The following MYT1L variants were observed in gnomAD, a reference collection of about 807,000 sequenced individuals.
The protein encoded by MYT1L is myelin transcription factor 1-like protein.
In MYT1L, 12 loss-of-function variants were observed where a neutral mutation model predicts 126.7. The ratio of observed to expected loss-of-function variants is 0.09; its 90% CI spans 0.06 to 0.15. The LOEUF (loss-of-function observed/expected upper bound fraction) is 0.15. MYT1L is among the 10% of genes least tolerant of loss of function. The pLI is 1.00. For synonymous variants in MYT1L, 541 were observed against 604.2 expected (o/e 0.90, Z 1.53); for missense variants, 979 against 1,585.2 (o/e 0.62, Z 6.49).
At position 1,975,521 on chromosome 2, in the gene MYT1L, G is replaced by C. The variant is rs56130906; in HGVS notation, c.152+3644C>G. Among the ~76,000 whole-genome samples, 1,006 of 152,294 alleles carry C rather than the reference G, an allele frequency of 6.6e-3. 7 individuals are homozygous for C. Among genetic ancestry groups the C allele is most frequent in the Middle Eastern group, 0.017 (5 of 294 alleles). ...AGGTGGGCAGATCACTTGAAGTTAG[G>C]AGTTCGAGACCATCCTGGCCAACAT... is the stretch of plus-strand genomic sequence containing the variant. On this transcript the variant is annotated intron_variant, in intron 8 of 24. Coordinates refer to ENST00000647738, the MANE Select transcript of MYT1L (RefSeq NM_001303052.2).
intron 8 of MYT1L, among the ~76,000 whole-genome samples, chr2:1,952,807 C>T (rs1346635972): frequency 1.3e-5 from 1 of 76,176 alleles, no homozygotes; most frequent in Non-Finnish European, 2.5e-5. Flanking sequence ...TTCTCTCCCT[C>T]CCTCCCTTCC....
At chr2:2,248,254 A>G (rs560474727) in intron 2 of MYT1L, among the ~76,000 whole-genome samples, 10 of 152,212 alleles carry the variant, frequency 6.6e-5, no homozygotes, top group African/African-American at 2.4e-4. Flanking sequence ...ATGAGCAACT[A>G]TATACCAATA....
intron 4 of MYT1L, among the ~76,000 whole-genome samples, chr2:2,001,103 C>G (rs942737307): frequency 1.3e-5 from 2 of 152,174 alleles, no homozygotes; most frequent in Non-Finnish European, 2.9e-5. Flanking sequence ...AACCTGAAAA[C>G]TGTTCATCTC....
chr2:2,252,269 C>G (rs1008240435), intron 2 of MYT1L, among the ~76,000 whole-genome samples: 12 of 152,204 alleles, frequency 7.9e-5, no homozygotes, highest in African/African-American at 2.9e-4. Flanking sequence ...ACCCTTTTAA[C>G]TTTAAAATTC....
intron 8 of MYT1L, among the ~76,000 whole-genome samples, chr2:1,975,599 T>C (rs914443949): frequency 7.2e-5 from 11 of 151,942 alleles, no homozygotes; most frequent in Non-Finnish European, 1.2e-4. Context: ...TGTGGTGGCA[T>C]GCGCCTGTGA....
intron 3 of MYT1L, among the ~76,000 whole-genome samples, chr2:2,095,203 G>A (rs1252146857): frequency 3.3e-5 from 5 of 152,210 alleles, no homozygotes; most frequent in African/African-American, 4.8e-5. Context: ...TGAGTTTCCC[G>A]TTAGTCCCTG....
intron 2 of MYT1L, among the ~76,000 whole-genome samples, chr2:2,197,827 G>A (rs72769220): frequency 0.018 from 2,227 of 120,884 alleles, 30 homozygotes; most frequent in Non-Finnish European, 0.028. Context: ...ACACACACAC[G>A]CACACAACGA....
rs759220186 is a variant in MYT1L at position 1,801,025 on chromosome 2, G to T, written c.3276+671C>A. Among the ~76,000 whole-genome samples the T allele has an allele frequency of 6.6e-6, 1 of 152,208 alleles. No individual in the cohort carries two copies. The highest frequency in any genetic ancestry group is 2.4e-5 in the African/African-American group (1 of 41,462). Reference sequence around the variant, plus strand: ...CGGGACCCTAACACAGCAAGGTGGGGGATGCCAGGCACAAGGCTCATGGTC... The same window carrying T: ...CGGGACCCTAACACAGCAAGGTGGGTGATGCCAGGCACAAGGCTCATGGTC... On this transcript the variant is annotated intron_variant, in intron 23 of 24. Transcript: ENST00000647738. The surrounding 1 kb of genome is among the most constrained non-coding windows in gnomAD (Gnocchi z 4.2).
chr2:2,028,857 T>C (rs1463596399), intron 4 of MYT1L, among the ~76,000 whole-genome samples: 1 of 152,124 alleles, frequency 6.6e-6, no homozygotes, highest in Non-Finnish European at 1.5e-5. Context: ...ATTAACTCGT[T>C]GTTAAGAGGC....
chr2:2,103,745 C>T (rs942234515), intron 3 of MYT1L, among the ~76,000 whole-genome samples: 1 of 152,208 alleles, frequency 6.6e-6, no homozygotes, highest in East Asian at 1.9e-4. Context: ...TGGGATGCTC[C>T]GCAGACATAC....
At chr2:2,144,053 C>A (rs1264860055) in intron 3 of MYT1L, among the ~76,000 whole-genome samples, 1 of 152,116 alleles carries the variant, frequency 6.6e-6, no homozygotes, top group Non-Finnish European at 1.5e-5. Flanking sequence ...CAGCATCATA[C>A]AATACACCCA....
chr2:2,103,452 G>C (rs967836611), intron 3 of MYT1L, among the ~76,000 whole-genome samples: 1 of 152,234 alleles, frequency 6.6e-6, no homozygotes, highest in Non-Finnish European at 1.5e-5. Context: ...ATGCCAGCCA[G>C]TTAGTGGTGG....
At chr2:1,886,633 G>T in intron 17 of MYT1L, 26 bp from the exon 18 acceptor site, 1 of 1,492,602 alleles carries the variant, frequency 6.7e-7, no homozygotes, top group Non-Finnish European at 9.0e-7. Flanking sequence ...GGACAGGCAG[G>T]TCAGTCAACT....
At chr2:2,303,902 A>T (rs2095822559) in intron 1 of MYT1L, 1 of 152,198 alleles carries the variant, frequency 6.6e-6, no homozygotes, top group African/African-American at 2.4e-5. Context: ...ACATCGAGCA[A>T]CACGTCACAT....
intron 18 of MYT1L, among the ~76,000 whole-genome samples, 173 bp from the exon 19 acceptor site, chr2:1,851,876 A>G (rs574533188): frequency 6.6e-5 from 10 of 152,214 alleles, no homozygotes; most frequent in African/African-American, 2.2e-4. Flanking sequence ...ATGACCACAC[A>G]CACACCTTCC....
chr2:2,278,948 G>A (rs571444714), intron 2 of MYT1L, among the ~76,000 whole-genome samples: 46 of 152,128 alleles, frequency 3.0e-4, no homozygotes, highest in African/African-American at 1.0e-3. Flanking sequence ...TCTTAACCAC[G>A]CTTTCCCTTG....
intron 1 of MYT1L, among the ~76,000 whole-genome samples, chr2:2,296,131 G>C (rs967486403): frequency 6.6e-6 from 1 of 152,170 alleles, no homozygotes; most frequent in Non-Finnish European, 1.5e-5. Flanking sequence ...AACCAAGCCA[G>C]AGCCAGTCAA....
intron 4 of MYT1L, among the ~76,000 whole-genome samples, chr2:1,998,130 G>T (rs2062032423): frequency 6.6e-6 from 1 of 152,174 alleles, no homozygotes; most frequent in African/African-American, 2.4e-5. Context: ...CTCGCCACTA[G>T]GTCCTCGGGG....
chr2:1,946,376 C>G (rs1376934873), intron 8 of MYT1L, among the ~76,000 whole-genome samples: 2 of 152,096 alleles, frequency 1.3e-5, no homozygotes, highest in Non-Finnish European at 2.9e-5. Context: ...CTCTCCACCC[C>G]CAAACCATGG....
Sources: gnomAD v4.1 joint callset for allele counts (sites outside exome capture counted in the v4.1 genomes callset) on GRCh38, gnomAD v4.1.1 for gene constraint, Gnocchi (gnomAD v3.1) non-coding constraint, MANE v1.5 for transcripts, NCBI Gene and HGNC (gene_info 2026-07-23, HGNC 2026-07-21) for gene names.